COQ8A: variants seen among roughly 807,000 people sequenced by gnomAD.
COQ8A encodes the protein atypical kinase COQ8A, mitochondrial.
A neutral mutation model predicts 65.0 loss-of-function variants in COQ8A; 51 were observed. That is an observed-to-expected ratio of 0.78 (90% CI 0.63 to 0.99). The LOEUF is 0.99. Among genes scored for constraint, COQ8A ranks in the 50% least tolerant of loss-of-function variants. COQ8A has a pLI of 0.00. For missense variants in COQ8A, 940 were observed against 875.0 expected, an observed-to-expected ratio of 1.07 and a Z score of -0.94; for synonymous variants, 371 against 353.2, an observed-to-expected ratio of 1.05 and a Z score of -0.57.
intron 5 of COQ8A, among the ~76,000 whole-genome samples, 181 bp downstream of exon 5, chr1:226,977,704 A>G (rs1046145723): frequency 1.3e-5 from 2 of 152,098 alleles, no homozygotes; most frequent in Admixed American, 6.5e-5. Context: ...GACCTGCTTT[A>G]GAGGGGGTGA....
intron 1 of COQ8A, among the ~76,000 whole-genome samples, chr1:226,957,027 C>T (rs373924251): frequency 4.6e-5 from 6 of 129,800 alleles, no homozygotes; most frequent in South Asian, 2.8e-4. Flanking sequence ...GCCACTCCCT[C>T]GTTCACACTC....
At chr1:226,954,944 G>T (rs1657597407) in intron 1 of COQ8A, among the ~76,000 whole-genome samples, 1 of 152,160 alleles carries the variant, frequency 6.6e-6, no homozygotes. Flanking sequence ...CCCAGAAGAG[G>T]TGATGTTGGT....
chr1:226,978,477 C>G (rs982496971), intron 5 of COQ8A, among the ~76,000 whole-genome samples: 2 of 148,508 alleles, frequency 1.3e-5, no homozygotes, highest in Non-Finnish European at 3.0e-5. Context: ...CCACCAAATA[C>G]CTGCACACCT....
intron 1 of COQ8A, among the ~76,000 whole-genome samples, chr1:226,956,879 C>T (rs1239315833): frequency 1.7e-5 from 2 of 117,260 alleles, no homozygotes; most frequent in Admixed American, 8.3e-5. Context: ...CCCTGGCTCC[C>T]ACTCTCCCTG....
rs145779574 is a variant in COQ8A, at chr1:226,987,498, G to C, written c.*761G>C. The C allele has an allele frequency of 2.0e-5, 3 of 152,210 alleles. No individual in the cohort carries two copies. The highest frequency in any genetic ancestry group is 4.4e-5 in the Non-Finnish European group (3 of 68,060). 9.4% of individuals were successfully genotyped at this position (152,210 alleles called of 1,614,324 possible). On this transcript the variant is annotated 3_prime_UTR_variant, in exon 15 of 15. Coordinates refer to ENST00000366777, the MANE Select transcript of COQ8A (RefSeq NM_020247.5). ...TTTTTGTACAAGTCTTGTAATTATC[G>C]AATCAACAACTTGTTTCAATTTAAT... is the stretch of plus-strand genomic sequence containing the variant.
chr1:226,986,879 G>T lies in COQ8A; in HGVS notation c.*142G>T, dbSNP rs1006170940. On this transcript the variant is annotated 3_prime_UTR_variant, in exon 15 of 15. Coordinates refer to ENST00000366777, the MANE Select transcript of COQ8A (RefSeq NM_020247.5). ...GGCTGCCTGGAGCCCCGTAGCCAGC[G>T]CTTTCCACGGTTTCTGTTGCTAAAT... 2.0e-6 allele frequency: 2 copies of T among 1,003,928 alleles called. No individual in the cohort carries two copies. The highest frequency in any genetic ancestry group is 3.2e-5 in the African/African-American group (2 of 61,900). 62.2% of individuals were successfully genotyped at this position (1,003,928 alleles called of 1,614,324 possible).
intron 6 of COQ8A, 179 bp downstream of exon 6, chr1:226,982,328 C>A (rs1659750160): frequency 2.1e-6 from 2 of 955,330 alleles, no homozygotes; most frequent in African/African-American, 1.7e-5. Flanking sequence ...TCCAAAGAAA[C>A]ACATGGAATA....
rs750833430 is a variant in COQ8A, at chr1:226,986,652, G to T, written c.1859G>T (p.Cys620Phe). ...HRKMGGSFLICSKLKARFPCK... is the reference protein window; with the variant it reads ...HRKMGGSFLIFSKLKARFPCK... ...AAGATGGGGGGCTCCTTCCTCATCT[G>T]CTCCAAGCTGAAGGCCCGCTTCCCC... is the stretch of plus-strand genomic sequence containing the variant. Residue 620 changes from cysteine (C) to phenylalanine (F), a missense_variant, in exon 15 of 15, where the codon TGC becomes TTC. Coordinates refer to ENST00000366777, the MANE Select transcript of COQ8A (RefSeq NM_020247.5). The T allele has an allele frequency of 1.4e-5, 23 of 1,613,928 alleles. No individual in the cohort carries two copies. Among genetic ancestry groups the T allele is most frequent in the Non-Finnish European group, 1.7e-5 (20 of 1,180,030 alleles).
chr1:226,951,731 C>G (rs1283684055), intron 1 of COQ8A, among the ~76,000 whole-genome samples: 1 of 151,552 alleles, frequency 6.6e-6, no homozygotes, highest in Non-Finnish European at 1.5e-5. Flanking sequence ...CTTTATGGGT[C>G]ATAGATCTTT....
At chr1:226,945,284 C>T (rs1009939557) in intron 1 of COQ8A, among the ~76,000 whole-genome samples, 2 of 152,184 alleles carry the variant, frequency 1.3e-5, no homozygotes, top group East Asian at 1.9e-4. Context: ...TCCTCCCCGT[C>T]GGCCCTCATC....
intron 1 of COQ8A, among the ~76,000 whole-genome samples, chr1:226,960,692 A>G (rs1251422735): frequency 6.6e-6 from 1 of 151,794 alleles, no homozygotes; most frequent in East Asian, 1.9e-4. Context: ...AATGGTGGTT[A>G]GGATCTTCCA....
In COQ8A at chr1:226,946,558, T is replaced by C. The variant is rs1219624619; in HGVS notation, c.-10+6159T>C. 6.6e-6 allele frequency among the ~76,000 whole-genome samples: 1 copy of C among 152,180 alleles called. No individual in the cohort carries two copies. The highest frequency in any genetic ancestry group is 2.4e-5 in the African/African-American group (1 of 41,440). On this transcript the variant is annotated intron_variant, in intron 1 of 14. Transcript: ENST00000366777. The surrounding 1 kb of genome is among the most constrained non-coding windows in gnomAD (Gnocchi z 5.3). ...TCAGCAAGGAGATGGCCACCTCTCC[T>C]GGGTCTGTGGTCCCCTTGCACCCTG...
intron 4 of COQ8A, among the ~76,000 whole-genome samples, chr1:226,967,348 C>T (rs1278413634): frequency 6.6e-6 from 1 of 152,236 alleles, no homozygotes; most frequent in African/African-American, 2.4e-5. Flanking sequence ...TCCCCTCCCT[C>T]TTCCTTTCAC....
chr1:226,985,012 G>T (rs1659996507), intron 13 of COQ8A, 71 bp downstream of exon 13: 2 of 1,572,106 alleles, frequency 1.3e-6, no homozygotes, highest in Non-Finnish European at 1.7e-6. Flanking sequence ...GGGGACTCGG[G>T]GTAGGGAGAA....
intron 1 of COQ8A, among the ~76,000 whole-genome samples, chr1:226,951,539 C>G (rs926820622): frequency 3.9e-5 from 6 of 152,122 alleles, no homozygotes; most frequent in African/African-American, 1.4e-4. Context: ...AGCTCTGTGT[C>G]TGGCGAGGTG....
intron 1 of COQ8A, among the ~76,000 whole-genome samples, chr1:226,953,628 G>C: frequency 6.6e-6 from 1 of 152,162 alleles, no homozygotes; most frequent in Non-Finnish European, 1.5e-5. Context: ...CTGTGCTGGG[G>C]CTCACTGACG....
chr1:226,950,505 C>A (rs1235224673), intron 1 of COQ8A, among the ~76,000 whole-genome samples: 3 of 152,238 alleles, frequency 2.0e-5, no homozygotes. Context: ...TGACTTCGGG[C>A]AAATTACTTA....
Position 226,983,566 on chromosome 1 carries a change from C to G in COQ8A, c.1095C>G (p.Ala365=). ...VAMKIQYPGV[A]QSINSDVNNL... is the part of the protein sequence containing the mutation. ...TACCCCCACAGTACCCTGGCGTGGC[C>G]CAGAGCATCAACAGTGATGTCAACA... Residue 365 remains alanine, a synonymous_variant, in exon 9 of 15, where the codon GCC becomes GCG. Coordinates refer to ENST00000366777, the MANE Select transcript of COQ8A (RefSeq NM_020247.5). 1 of 1,613,862 alleles carries G rather than the reference C, an allele frequency of 6.2e-7. No individual in the cohort carries two copies. Among genetic ancestry groups the G allele is most frequent in the Non-Finnish European group, 8.5e-7 (1 of 1,179,992 alleles).
At position 226,961,454 on chromosome 1, in the gene COQ8A, G is replaced by A. The variant is rs575567061; in HGVS notation, c.69G>A (p.Val23=). ...TTGTCAAGCTGACCCAGGCGGCCGTGGAAACCCACCTGCAGCACTTGGGCA... is the reference window on the plus strand; with the variant it reads ...TTGTCAAGCTGACCCAGGCGGCCGTAGAAACCCACCTGCAGCACTTGGGCA... ...KGLVKLTQAA[V]ETHLQHLGIG... is the part of the protein sequence containing the mutation. Residue 23 remains valine (V), a synonymous_variant, in exon 2 of 15, where the codon GTG becomes GTA. Transcript: ENST00000366777. 2 of 1,613,838 alleles carry A rather than the reference G, an allele frequency of 1.2e-6. No homozygotes were observed. Among genetic ancestry groups the A allele is most frequent in the African/African-American group, 1.3e-5 (1 of 75,068 alleles).
Sources: allele counts gnomAD v4.1 joint callset (sites outside exome capture counted in the v4.1 genomes callset), GRCh38; gene constraint gnomAD v4.1.1; non-coding constraint Gnocchi (gnomAD v3.1); transcripts MANE v1.5; gene names NCBI Gene and HGNC (gene_info 2026-07-23, HGNC 2026-07-21).